The following MYT1 variants were observed in gnomAD, a reference collection of about 807,000 sequenced individuals.
MYT1 encodes the protein myelin transcription factor I.
In MYT1, 23 loss-of-function variants were observed where a neutral mutation model predicts 123.0. The observed-to-expected ratio is 0.19, with a 90% CI of 0.13 to 0.26. The LOEUF (loss-of-function observed/expected upper bound fraction) is 0.26, where lower values mean the gene tolerates loss of function less well. MYT1 is among the 10% of genes least tolerant of loss of function. The pLI, the probability that MYT1 is intolerant of heterozygous loss-of-function variation, is 1.00. For synonymous variants in MYT1, 518 were observed against 575.3 expected (o/e 0.90, Z 1.43); for missense variants, 1,125 against 1,472.5 (o/e 0.76, Z 3.86).
rs765109052 is a variant in MYT1 at position 64,217,134 on chromosome 20, G to A, written c.1699G>A (p.Ala567Thr). The A allele has an allele frequency of 6.2e-6, 10 of 1,614,082 alleles. No individual in the cohort carries two copies. The highest frequency in any genetic ancestry group is 7.6e-6 in the Non-Finnish European group (9 of 1,180,054). ...GAGCTACCGGCCCAACGTGGCCCCCGCCACACCCAGGGCCAACTTGGCCAA... is the reference window on the plus strand; with the variant it reads ...GAGCTACCGGCCCAACGTGGCCCCCACCACACCCAGGGCCAACTTGGCCAA... ...YGSYRPNVAP[A>T]TPRANLAKEL... The change falls in exon 11 of 23, where the codon GCC becomes ACC. Residue 567 changes from alanine to threonine, a missense_variant. By Grantham distance (58) the Ala-to-Thr change is moderately conservative. Around this residue, in one of 4 missense-constraint regions of MYT1, gnomAD observed 429 missense variants for 604.1 expected, o/e 0.71. Transcript: ENST00000328439.
intron 1 of MYT1, among the ~76,000 whole-genome samples, chr20:64,173,477 G>C (rs1490950655): frequency 6.8e-6 from 1 of 147,018 alleles, no homozygotes; most frequent in Non-Finnish European, 1.5e-5. Context: ...TTCTCCTCCT[G>C]CAGCATCCTT....
intron 1 of MYT1, among the ~76,000 whole-genome samples, chr20:64,180,179 G>A (rs1318574984): frequency 6.6e-6 from 1 of 151,530 alleles, no homozygotes; most frequent in Non-Finnish European, 1.5e-5. Context: ...TTACATGCAT[G>A]CTCTATACAG....
rs984111002 is a variant in MYT1, at chr20:64,167,083, A to G, written c.-99+2344A>G. Among the ~76,000 whole-genome samples, 1 of 152,112 alleles carries G rather than the reference A, an allele frequency of 6.6e-6. No individual in the cohort carries two copies. The highest frequency in any genetic ancestry group is 2.4e-5 in the African/African-American group (1 of 41,424). On this transcript the variant is annotated intron_variant, in intron 1 of 22. Transcript: ENST00000328439. This position sits in a 1 kb window ranked among gnomAD's most constrained non-coding sequence, Gnocchi z 6.3. ...GTAGAGGAGACCCACACCACTCTGC[A>G]CTGGGGAGACAGGGGTCAGAGCCTG...
chr20:64,195,045 G>A (rs894207514), intron 2 of MYT1, among the ~76,000 whole-genome samples: 8 of 151,346 alleles, frequency 5.3e-5, no homozygotes, highest in Middle Eastern at 3.4e-3. Context: ...ACAGGCGGCC[G>A]CCACCACACC....
Position 64,166,871 on chromosome 20 carries a change from AC to A in MYT1, c.-99+2133del, listed in dbSNP as rs1982098367. ...AGAGGCTGGCAGAGGGTATGCGGCC[AC>A]GGGGGTGCATGCTGGGCAGCTCTGG... On this transcript the variant is annotated intron_variant, in intron 1 of 22. Transcript: ENST00000328439. The surrounding 1 kb of genome is among the most constrained non-coding windows in gnomAD (Gnocchi z 4.9). Among the ~76,000 whole-genome samples the A allele has an allele frequency of 1.3e-5, 2 of 152,158 alleles. No individual in the cohort carries two copies. Among genetic ancestry groups the A allele is most frequent in the African/African-American group, 4.8e-5 (2 of 41,422 alleles).
chr20:64,185,017 G>A lies in MYT1; in HGVS notation c.-98-5046G>A, dbSNP rs891788988. On this transcript the variant is annotated intron_variant, in intron 1 of 22. Transcript: ENST00000328439. The surrounding 1 kb of genome is among the most constrained non-coding windows in gnomAD (Gnocchi z 4.5). ...CCCTGTGAACATGAAGCCGCCTGTT[G>A]TTCCAGTAGAGGGATGTGGGTGGAG... 2.0e-5 allele frequency among the ~76,000 whole-genome samples: 3 copies of A among 152,192 alleles called. No homozygotes were observed. The highest frequency in any genetic ancestry group is 2.9e-5 in the Non-Finnish European group (2 of 68,030).
Position 64,208,075 on chromosome 20 carries a change from A to AGAG in MYT1, c.888_890dup (p.Glu306dup), listed in dbSNP as rs756810545. ...AGGAAGAGGAGGAGGAGGAAGAGGA[A>AGAG]GAGGAGGAGGAAGAGGAAGAGGAAG... On this transcript the variant is annotated inframe_insertion, in exon 7 of 23. Transcript: ENST00000328439. This position sits in a 1 kb window ranked among gnomAD's most constrained non-coding sequence, Gnocchi z 5.4. The AGAG allele has an allele frequency of 6.2e-6, 10 of 1,601,090 alleles. No homozygotes were observed. Among genetic ancestry groups the AGAG allele is most frequent in the Admixed American group, 3.4e-5 (2 of 59,430 alleles).
intron 1 of MYT1, among the ~76,000 whole-genome samples, chr20:64,181,686 A>G (rs1982655561): frequency 6.6e-6 from 1 of 152,178 alleles, no homozygotes; most frequent in Non-Finnish European, 1.5e-5. Context: ...GCCTCCTGAA[A>G]CACTCATTTG....
At chr20:64,211,149 C>A (rs6090073) in intron 7 of MYT1, 57 bp from the exon 8 acceptor site, 1 of 1,573,032 alleles carries the variant, frequency 6.4e-7, no homozygotes, top group Non-Finnish European at 8.7e-7. Context: ...ACCCCTGCCC[C>A]CTCTCTGCTC....
chr20:64,224,277 C>T (rs1984101412), intron 16 of MYT1, among the ~76,000 whole-genome samples: 1 of 152,178 alleles, frequency 6.6e-6, no homozygotes, highest in Admixed American at 6.5e-5. Context: ...GAATCCAGGT[C>T]AACACACCCT....
intron 1 of MYT1, among the ~76,000 whole-genome samples, chr20:64,182,518 G>A (rs1230360305): frequency 6.6e-6 from 1 of 152,250 alleles, no homozygotes; most frequent in Non-Finnish European, 1.5e-5. Context: ...TGCAGAGGCA[G>A]GTCGCCTTCC....
Position 64,191,170 on chromosome 20 carries a change from A to G in MYT1, c.-1+1010A>G, listed in dbSNP as rs533436449. Among the ~76,000 whole-genome samples the G allele has an allele frequency of 6.6e-6, 1 of 152,334 alleles. No individual in the cohort carries two copies. Among genetic ancestry groups the G allele is most frequent in the Non-Finnish European group, 1.5e-5 (1 of 68,030 alleles). ...CAGCAGAGATTGCTGGCAGGAGCTT[A>G]TGAAGTCTGTTGGCCTTGTTTTATT... On this transcript the variant is annotated intron_variant, in intron 2 of 22. Coordinates refer to ENST00000328439, the MANE Select transcript of MYT1 (RefSeq NM_004535.3). The surrounding 1 kb of genome is among the most constrained non-coding windows in gnomAD (Gnocchi z 4.1).
At chr20:64,178,125 C>T (rs1229326370) in intron 1 of MYT1, among the ~76,000 whole-genome samples, 1 of 152,336 alleles carries the variant, frequency 6.6e-6, no homozygotes, top group East Asian at 1.9e-4. Flanking sequence ...CCACTGACCA[C>T]TGGTTACTTA....
intron 1 of MYT1, among the ~76,000 whole-genome samples, chr20:64,170,848 C>CAT (rs1175817263): frequency 0.026 from 413 of 16,000 alleles, 34 homozygotes; most frequent in Middle Eastern, 0.1. Context: ...ACAAATTGGT[C>CAT]ATATATATAT....
At position 64,192,558 on chromosome 20, in the gene MYT1, C is replaced by T. The variant is rs903718299; in HGVS notation, c.-1+2398C>T. Among the ~76,000 whole-genome samples the T allele has an allele frequency of 2.6e-5, 4 of 152,278 alleles. No individual in the cohort carries two copies. The highest frequency in any genetic ancestry group is 1.3e-4 in the Admixed American group (2 of 15,302). ...CTGTGCATGGGACCGTCACAGCCTG[C>T]GGCGTGCCTCTGAGTTCAGCACCAG... On this transcript the variant is annotated intron_variant, in intron 2 of 22. Coordinates refer to ENST00000328439, the MANE Select transcript of MYT1 (RefSeq NM_004535.3). The surrounding 1 kb of genome is among the most constrained non-coding windows in gnomAD (Gnocchi z 5.3).
chr20:64,222,102 G>A, intron 14 of MYT1, 55 bp downstream of exon 14: 2 of 1,592,650 alleles, frequency 1.3e-6, no homozygotes, highest in Non-Finnish European at 1.7e-6. Context: ...GGCCTGGGGA[G>A]GAACAGGCCC....
Position 64,166,322 on chromosome 20 carries a change from G to A in MYT1, c.-99+1583G>A, listed in dbSNP as rs1982081452. 6.6e-6 allele frequency among the ~76,000 whole-genome samples: 1 copy of A among 152,166 alleles called. No individual in the cohort carries two copies. The highest frequency in any genetic ancestry group is 1.5e-5 in the Non-Finnish European group (1 of 68,022). On this transcript the variant is annotated intron_variant, in intron 1 of 22. Coordinates refer to ENST00000328439, the MANE Select transcript of MYT1 (RefSeq NM_004535.3). This position sits in a 1 kb window ranked among gnomAD's most constrained non-coding sequence, Gnocchi z 4.9. ...GTTTGTTTTCAAAGAGAAGGAGGCAGTCTTATGGATTCTTCTGTCCCGTAG... is the reference window on the plus strand; with the variant it reads ...GTTTGTTTTCAAAGAGAAGGAGGCAATCTTATGGATTCTTCTGTCCCGTAG...
At position 64,202,144 on chromosome 20, in the gene MYT1, C is replaced by A. The variant is rs1420862964; in HGVS notation, c.86+2222C>A. Among the ~76,000 whole-genome samples the A allele has an allele frequency of 6.6e-6, 1 of 152,228 alleles. No individual in the cohort carries two copies. Among genetic ancestry groups the A allele is most frequent in the Admixed American group, 6.5e-5 (1 of 15,290 alleles). ...CTTCACAGCCTGCAGTGCCCCTAAC[C>A]CCAGCTCGCCTCCCCACCAGCTCAG... On this transcript the variant is annotated intron_variant, in intron 4 of 22. Transcript: ENST00000328439. The surrounding 1 kb of genome is among the most constrained non-coding windows in gnomAD (Gnocchi z 5.0).
Position 64,228,022 on chromosome 20 carries a change from C to T in MYT1, c.2675+51C>T, listed in dbSNP as rs777071322. On this transcript the variant is annotated intron_variant, in intron 18 of 22. Transcript: ENST00000328439. ...CATTGCATTGCGGAATTGAGATTTTCGTGTGTTTTATAATGTAAAAAAACT... is the reference window on the plus strand; with the variant it reads ...CATTGCATTGCGGAATTGAGATTTTTGTGTGTTTTATAATGTAAAAAAACT... 8.9e-6 allele frequency: 14 copies of T among 1,565,090 alleles called. No individual in the cohort carries two copies. In the East Asian group the frequency reaches 1.3e-4, roughly 15 times the overall value.
Sources: gnomAD v4.1 joint callset for allele counts (sites outside exome capture counted in the v4.1 genomes callset) on GRCh38, gnomAD v4.1.1 for gene constraint, gnomAD v4.1.1 regional missense constraint, Gnocchi (gnomAD v3.1) non-coding constraint, MANE v1.5 for transcripts, NCBI Gene and HGNC (gene_info 2026-07-23, HGNC 2026-07-21) for gene names.